The following NMT2 variants were observed in gnomAD, a reference collection of about 807,000 sequenced individuals.
The protein encoded by NMT2 is glycylpeptide N-tetradecanoyltransferase 2.
In NMT2, 35 loss-of-function variants were observed where a neutral mutation model predicts 65.4. The ratio of observed to expected loss-of-function variants is 0.54; its 90% CI spans 0.41 to 0.71. NMT2 has a LOEUF of 0.71. Among genes scored for constraint, NMT2 ranks in the 30% least tolerant of loss-of-function variants. NMT2 has a pLI of 0.00. For missense variants in NMT2, 489 were observed against 611.3 expected (o/e 0.80, Z 2.11); for synonymous variants, 226 against 231.8 (o/e 0.98, Z 0.23).
chr10:15,166,361 G>C (rs566273662), intron 1 of NMT2, among the ~76,000 whole-genome samples: 71 of 152,294 alleles, frequency 4.7e-4, no homozygotes, highest in African/African-American at 1.6e-3. Context: ...CTCATTATTT[G>C]TTATTTATTT....
At chr10:15,119,019 A>G (rs1270777033) in intron 9 of NMT2, among the ~76,000 whole-genome samples, 2 of 152,208 alleles carry the variant, frequency 1.3e-5, no homozygotes, top group Non-Finnish European at 2.9e-5. Flanking sequence ...ACAAGTTACC[A>G]TCAGCATCAA....
intron 8 of NMT2, among the ~76,000 whole-genome samples, chr10:15,121,053 T>C (rs188754830): frequency 7.9e-5 from 12 of 152,320 alleles, no homozygotes; most frequent in Admixed American, 7.8e-4. Context: ...TCTAGAACTG[T>C]TCAGGGGCCA....
At position 15,141,927 on chromosome 10, in the gene NMT2, T is replaced by C. The variant is rs138783536; in HGVS notation, c.111-370A>G. 6.2e-3 allele frequency among the ~76,000 whole-genome samples: 944 copies of C among 152,288 alleles called. 8 individuals carry two copies. The highest frequency in any genetic ancestry group is 0.022 in the African/African-American group (902 of 41,562). On this transcript the variant is annotated intron_variant, in intron 1 of 11. Transcript: ENST00000378165. The stretch of plus-strand genomic sequence containing the variant: ...GATATGAAAAACTCCATTATCAAGA[T>C]CTCTTGGGTACGACAGAACACTAAT...
intron 1 of NMT2, among the ~76,000 whole-genome samples, chr10:15,160,646 C>T (rs531228948): frequency 6.6e-6 from 1 of 152,004 alleles, no homozygotes; most frequent in South Asian, 2.1e-4. Flanking sequence ...TGGTAGTGTG[C>T]GTCTATAATC....
intron 1 of NMT2, chr10:15,155,465 C>T (rs1832963794): frequency 2.2e-6 from 1 of 460,082 alleles, no homozygotes; most frequent in Non-Finnish European, 4.0e-6. Flanking sequence ...AACTTCCGGG[C>T]TCAAGTGATC....
At chr10:15,125,813 T>C (rs375062352) in intron 8 of NMT2, among the ~76,000 whole-genome samples, 25 of 152,204 alleles carry the variant, frequency 1.6e-4, no homozygotes, top group Middle Eastern at 3.4e-3. Flanking sequence ...ACTACAGCCA[T>C]GTGCCACCAT....
chr10:15,112,754 A>T (rs1312370753), intron 10 of NMT2, 42 bp downstream of exon 10: 50 of 1,565,430 alleles, frequency 3.2e-5, no homozygotes, highest in Non-Finnish European at 4.1e-5. Flanking sequence ...TGGCACAGAC[A>T]TTTGGAGAAC....
intron 9 of NMT2, among the ~76,000 whole-genome samples, chr10:15,116,361 A>C (rs1264653970): frequency 6.6e-6 from 1 of 152,186 alleles, no homozygotes; most frequent in Non-Finnish European, 1.5e-5. Context: ...AACGAAACCA[A>C]AAAATACATA....
rs536210044 is a variant in NMT2 at position 15,151,854 on chromosome 10, G to A, written c.111-10297C>T. 1.6e-3 allele frequency among the ~76,000 whole-genome samples: 242 copies of A among 151,744 alleles called. 2 individuals are homozygous for A. Among genetic ancestry groups the A allele is most frequent in the Non-Finnish European group, 3.8e-4 (26 of 67,906 alleles). ...AGCCTGGCCAACATGGTGAAACCCCGTCTCTACCAAAAATATAAAAAACTA... is the reference window on the plus strand; with the variant it reads ...AGCCTGGCCAACATGGTGAAACCCCATCTCTACCAAAAATATAAAAAACTA... On this transcript the variant is annotated intron_variant, in intron 1 of 11. Coordinates refer to ENST00000378165, the MANE Select transcript of NMT2 (RefSeq NM_004808.3).
At chr10:15,156,411 T>G (rs1833000057) in intron 1 of NMT2, among the ~76,000 whole-genome samples, 1 of 152,136 alleles carries the variant, frequency 6.6e-6, no homozygotes, top group African/African-American at 2.4e-5. Flanking sequence ...GAACTGTGAG[T>G]CAATTAAACC....
intron 2 of NMT2, 64 bp from the exon 3 acceptor site, chr10:15,135,482 C>T (rs960157782): frequency 9.8e-6 from 15 of 1,536,070 alleles, no homozygotes; most frequent in African/African-American, 2.7e-5. Context: ...CTTGAGCAGA[C>T]GCACGTGCAT....
chr10:15,157,228 T>G (rs897616856), intron 1 of NMT2, among the ~76,000 whole-genome samples: 4 of 152,134 alleles, frequency 2.6e-5, no homozygotes, highest in African/African-American at 9.7e-5. Flanking sequence ...AGAAGCGCAC[T>G]AAACAAAACA....
rs11819275 is a variant in NMT2 at position 15,107,166 on chromosome 10, C to T, written c.*2029G>A. The T allele has an allele frequency of 0.18, 33,302 of 185,666 alleles. 5,227 individuals carry two copies. The highest frequency in any genetic ancestry group is 0.46 in the African/African-American group (18,996 of 41,604). 11.5% of individuals were successfully genotyped at this position (185,666 alleles called of 1,614,324 possible). ...CCAATAAAACCTTATTGAGGGACAC[C>T]GGAATTTGAATTTTGTGTAATTTGC... On this transcript the variant is annotated 3_prime_UTR_variant, in exon 12 of 12. Coordinates refer to ENST00000378165, the MANE Select transcript of NMT2 (RefSeq NM_004808.3).
chr10:15,119,464 G>A lies in NMT2; in HGVS notation c.1049C>T (p.Ser350Leu), dbSNP rs1383851514. The change falls in exon 9 of 12, where the codon TCA (serine) becomes TTA (leucine). Residue 350 changes from serine (S) to leucine (L), a missense_variant. Ser to Leu is a moderately radical substitution (Grantham distance 145). Coordinates refer to ENST00000378165, the MANE Select transcript of NMT2 (RefSeq NM_004808.3). ...GTAAGTGTTGATTAATTCTCGAACT[G>A]ATTTGATATCTTTTGGTTCCATTGG... ...LRPMEPKDIK[S>L]VRELINTYLK... 6.2e-7 allele frequency: 1 copy of A among 1,614,042 alleles called. No homozygotes were observed. Among genetic ancestry groups the A allele is most frequent in the South Asian group, 1.1e-5 (1 of 91,078 alleles).
intron 7 of NMT2, 94 bp from the exon 8 acceptor site, chr10:15,128,552 T>A (rs951767322): frequency 6.5e-6 from 5 of 765,494 alleles, no homozygotes; most frequent in Non-Finnish European, 1.1e-5. Flanking sequence ...AAGCATTTAC[T>A]GAATACTTAC....
chr10:15,139,437 C>A (rs758805249), intron 2 of NMT2, among the ~76,000 whole-genome samples: 4 of 152,222 alleles, frequency 2.6e-5, no homozygotes, highest in East Asian at 1.9e-4. Flanking sequence ...CTCACAGTCA[C>A]TAGAGGTGGA....
At position 15,130,233 on chromosome 10, in the gene NMT2, G is replaced by T. The variant is rs779421255; in HGVS notation, c.799C>A (p.Arg267=). The T allele has an allele frequency of 1.2e-6, 2 of 1,608,850 alleles. No homozygotes were observed. Among genetic ancestry groups the T allele is most frequent in the South Asian group, 1.1e-5 (1 of 89,624 alleles). Residue 267 remains arginine, a synonymous_variant, in exon 7 of 12, where the codon CGA becomes AGA. Coordinates refer to ENST00000378165, the MANE Select transcript of NMT2 (RefSeq NM_004808.3). ...AGGTTCACTCTTCTAGTGATCTCTC[G>T]GATTAGCACTGGGGCTACCCGTTTC... ...RSKRVAPVLI[R]EITRRVNLEG...
chr10:15,136,843 T>A (rs1009819188), intron 2 of NMT2, among the ~76,000 whole-genome samples: 4 of 147,680 alleles, frequency 2.7e-5, no homozygotes, highest in Non-Finnish European at 3.0e-5. Flanking sequence ...TTTTTTTTTT[T>A]AATTCCTCAA....
intron 2 of NMT2, chr10:15,140,928 A>G: frequency 7.0e-7 from 1 of 1,424,716 alleles, no homozygotes; most frequent in South Asian, 1.2e-5. Context: ...CACCCTTGGC[A>G]TTAGAATGAA....
Sources: allele counts gnomAD v4.1 joint callset (sites outside exome capture counted in the v4.1 genomes callset), GRCh38; gene constraint gnomAD v4.1.1; transcripts MANE v1.5; gene names NCBI Gene and HGNC (gene_info 2026-07-23, HGNC 2026-07-21).